The following TAFA4 variants were observed in gnomAD, a reference collection of about 807,000 sequenced individuals.
TAFA4 encodes TAFA chemokine like family member 4, also known as chemokine-like protein TAFA-4.
A neutral mutation model predicts 21.1 loss-of-function variants in TAFA4; 20 were observed. That is an observed-to-expected ratio of 0.95 (90% CI 0.67 to 1.38). The LOEUF (loss-of-function observed/expected upper bound fraction) is 1.38. Ranked by LOEUF, TAFA4 falls within the 40% of genes most tolerant of loss-of-function variation. The pLI is 0.00. For synonymous variants in TAFA4, 71 were observed against 67.4 expected (o/e 1.05, Z -0.26); for missense variants, 211 against 180.9 (o/e 1.17, Z -0.95).
intron 3 of TAFA4, among the ~76,000 whole-genome samples, chr3:68,842,661 G>GT (rs1455297984): frequency 1.3e-5 from 2 of 152,118 alleles, no homozygotes; most frequent in Non-Finnish European, 2.9e-5. Context: ...TTCTTCTAGG[G>GT]TTTTTACGGT....
At chr3:68,921,006 G>A (rs975302608) in intron 1 of TAFA4, among the ~76,000 whole-genome samples, 9 of 152,134 alleles carry the variant, frequency 5.9e-5, no homozygotes, top group Admixed American at 2.6e-4. Context: ...GTGCTGGGGG[G>A]ACAAAGGCCA....
intron 3 of TAFA4, among the ~76,000 whole-genome samples, chr3:68,850,848 T>C (rs1704928394): frequency 6.6e-6 from 1 of 152,166 alleles, no homozygotes. Flanking sequence ...TTCTCTCTGA[T>C]GATAGTTTCT....
intron 1 of TAFA4, among the ~76,000 whole-genome samples, chr3:68,913,358 T>A (rs953305155): frequency 1.3e-5 from 2 of 152,070 alleles, no homozygotes; most frequent in African/African-American, 4.8e-5. Flanking sequence ...CAGAGCCAGT[T>A]TTCTAAAGGC....
intron 3 of TAFA4, among the ~76,000 whole-genome samples, chr3:68,766,125 G>C (rs1007846766): frequency 6.6e-6 from 1 of 151,964 alleles, no homozygotes; most frequent in Admixed American, 6.6e-5. Context: ...AATAATAGTA[G>C]TACTACTCAA....
chr3:68,768,154 ACAAT>A (rs572941776), intron 3 of TAFA4, among the ~76,000 whole-genome samples: 64 of 152,172 alleles, frequency 4.2e-4, no homozygotes, highest in Non-Finnish European at 8.5e-4. Flanking sequence ...AACAAAGGAA[ACAAT>A]CAGAGTGAAG....
At chr3:68,868,854 A>C (rs1317544805) in intron 3 of TAFA4, among the ~76,000 whole-genome samples, 1 of 152,002 alleles carries the variant, frequency 6.6e-6, no homozygotes, top group Non-Finnish European at 1.5e-5. Context: ...ACCAAATCCA[A>C]AATTAGTAGA....
At chr3:68,845,946 C>T (rs1054420955) in intron 3 of TAFA4, among the ~76,000 whole-genome samples, 2 of 152,150 alleles carry the variant, frequency 1.3e-5, no homozygotes, top group Non-Finnish European at 2.9e-5. Context: ...ATGCTCTTAA[C>T]ATTTTTTCCT....
chr3:68,841,853 A>C (rs4476507), intron 3 of TAFA4, among the ~76,000 whole-genome samples: 35,541 of 151,994 alleles, frequency 0.23, 4,990 homozygotes, highest in East Asian at 0.68. Context: ...AGCTTCATCC[A>C]TATCCCTGCA....
chr3:68,827,933 G>A (rs1284307767), intron 3 of TAFA4, among the ~76,000 whole-genome samples: 2 of 152,130 alleles, frequency 1.3e-5, no homozygotes, highest in African/African-American at 4.8e-5. Context: ...TGCTTTTGGT[G>A]TTTTAGTCAT....
intron 1 of TAFA4, among the ~76,000 whole-genome samples, chr3:68,925,931 T>A (rs1406082180): frequency 6.6e-6 from 1 of 152,166 alleles, no homozygotes; most frequent in Non-Finnish European, 1.5e-5. Flanking sequence ...AACCCCGTTA[T>A]TCAAAATTGT....
intron 3 of TAFA4, among the ~76,000 whole-genome samples, chr3:68,785,154 A>C (rs1703228064): frequency 6.6e-6 from 1 of 152,214 alleles, no homozygotes; most frequent in Non-Finnish European, 1.5e-5. Context: ...ATAAACATTG[A>C]GCTAGATACA....
At chr3:68,922,497 A>ATAT (rs2090068746) in intron 1 of TAFA4, among the ~76,000 whole-genome samples, 1 of 152,198 alleles carries the variant, frequency 6.6e-6, no homozygotes, top group South Asian at 2.1e-4. Context: ...CATAAACCCT[A>ATAT]TATTCATCTC....
intron 1 of TAFA4, among the ~76,000 whole-genome samples, chr3:68,930,429 CA>C (rs1015348645): frequency 7.9e-5 from 12 of 152,200 alleles, no homozygotes; most frequent in African/African-American, 2.9e-4. Flanking sequence ...GAAAAGTGGC[CA>C]AGTCAAATTG....
intron 3 of TAFA4, among the ~76,000 whole-genome samples, chr3:68,843,650 G>A (rs1704720683): frequency 6.6e-6 from 1 of 152,144 alleles, no homozygotes; most frequent in East Asian, 1.9e-4. Context: ...ATTGGCTGTG[G>A]GTCTGTCATA....
intron 3 of TAFA4, among the ~76,000 whole-genome samples, chr3:68,825,382 G>A (rs1053538784): frequency 1.3e-5 from 2 of 152,142 alleles, no homozygotes; most frequent in African/African-American, 2.4e-5. Flanking sequence ...TCATTGATGG[G>A]CATTTGGGTT....
chr3:68,742,999 G>C (rs886520143), intron 4 of TAFA4, among the ~76,000 whole-genome samples: 1 of 152,144 alleles, frequency 6.6e-6, no homozygotes, highest in Non-Finnish European at 1.5e-5. Context: ...GAGAGCACGG[G>C]ACAATTTCAT....
intron 3 of TAFA4, among the ~76,000 whole-genome samples, chr3:68,863,132 C>T (rs1255679464): frequency 1.3e-5 from 2 of 151,102 alleles, no homozygotes; most frequent in African/African-American, 2.4e-5. Flanking sequence ...CAGCTAGCTA[C>T]ACAACAGGCT....
chr3:68,899,156 C>T (rs979922968), intron 1 of TAFA4, among the ~76,000 whole-genome samples: 23 of 152,130 alleles, frequency 1.5e-4, no homozygotes, highest in African/African-American at 5.3e-4. Flanking sequence ...AAATGAAATA[C>T]CTTTAAAATA....
chr3:68,898,483 C>T (rs1258442238), intron 1 of TAFA4, among the ~76,000 whole-genome samples: 1 of 152,148 alleles, frequency 6.6e-6, no homozygotes, highest in African/African-American at 2.4e-5. Context: ...CCCATCTCTA[C>T]TAAAAACACA....
Sources: allele counts gnomAD v4.1 joint callset (sites outside exome capture counted in the v4.1 genomes callset), GRCh38; gene constraint gnomAD v4.1.1; transcripts MANE v1.5; gene names NCBI Gene and HGNC (gene_info 2026-07-23, HGNC 2026-07-21).